CLSTN2: variants seen among roughly 807,000 people sequenced by gnomAD.
CLSTN2 encodes calsyntenin 2, also known as calsyntenin-2.
Under a neutral mutation model 101.2 loss-of-function variants are expected in CLSTN2, and 48 were observed. That is an observed-to-expected ratio of 0.47 (90% CI 0.38 to 0.60). The LOEUF (loss-of-function observed/expected upper bound fraction) is 0.60. Among genes scored for constraint, CLSTN2 ranks in the 20% least tolerant of loss-of-function variants. The pLI is 0.00. For synonymous variants in CLSTN2, 481 were observed against 463.6 expected, an observed-to-expected ratio of 1.04 and a Z score of -0.48; for missense variants, 1,160 against 1,238.2, an observed-to-expected ratio of 0.94 and a Z score of 0.95.
In CLSTN2 at chr3:140,024,806, C is replaced by G. The variant is rs1480614473; in HGVS notation, c.109+89323C>G. Among the ~76,000 whole-genome samples the G allele has an allele frequency of 2.0e-5, 3 of 152,256 alleles. No individual in the cohort carries two copies. In the East Asian group the frequency reaches 5.8e-4, roughly 29 times the overall value. ...TCATTTATAAAATGGAGTGGTAATT[C>G]TTGTGTTGTAGGATTGTTTTGAGAC... On this transcript the variant is annotated intron_variant, in intron 1 of 16. Transcript: ENST00000458420.
intron 2 of CLSTN2, among the ~76,000 whole-genome samples, chr3:140,353,859 T>C (rs530022720): frequency 2.8e-4 from 42 of 152,254 alleles, no homozygotes; most frequent in African/African-American, 1.0e-3. Context: ...TTTTCCTGGG[T>C]TCAACTAAAC....
intron 8 of CLSTN2, among the ~76,000 whole-genome samples, chr3:140,478,165 A>G (rs1447566587): frequency 6.6e-6 from 1 of 152,148 alleles, no homozygotes; most frequent in African/African-American, 2.4e-5. Context: ...TTTAATTTTT[A>G]GGAGTTTCTA....
At chr3:140,434,695 G>C (rs2088669485) in intron 5 of CLSTN2, among the ~76,000 whole-genome samples, 1 of 152,204 alleles carries the variant, frequency 6.6e-6, no homozygotes, top group Non-Finnish European at 1.5e-5. Context: ...AGGAGAGCTT[G>C]CTGCTTAACT....
At chr3:140,509,628 C>T (rs1262437030) in intron 8 of CLSTN2, among the ~76,000 whole-genome samples, 1 of 146,496 alleles carries the variant, frequency 6.8e-6, no homozygotes, top group African/African-American at 2.6e-5. Context: ...CTGAGGTGAA[C>T]ATTTCCCTGA....
chr3:140,153,505 G>A (rs770881587), intron 1 of CLSTN2, among the ~76,000 whole-genome samples: 1 of 152,240 alleles, frequency 6.6e-6, no homozygotes, highest in Non-Finnish European at 1.5e-5. Flanking sequence ...AGCCAGTGAT[G>A]CTGAAAGAGC....
At chr3:140,111,930 C>T (rs1391307141) in intron 1 of CLSTN2, among the ~76,000 whole-genome samples, 1 of 152,172 alleles carries the variant, frequency 6.6e-6, no homozygotes, top group East Asian at 1.9e-4. Flanking sequence ...AAGTGACTTA[C>T]CCACGACCAC....
At chr3:140,336,693 T>A (rs1188692692) in intron 2 of CLSTN2, among the ~76,000 whole-genome samples, 1 of 152,180 alleles carries the variant, frequency 6.6e-6, no homozygotes, top group Non-Finnish European at 1.5e-5. Flanking sequence ...TGCCAAGACT[T>A]TGTTGAAAAC....
chr3:139,956,109 T>G (rs1210565701), intron 1 of CLSTN2, among the ~76,000 whole-genome samples: 2 of 152,170 alleles, frequency 1.3e-5, no homozygotes, highest in Non-Finnish European at 2.9e-5. Flanking sequence ...GACTTCCCTA[T>G]TTTCCAGTTA....
intron 2 of CLSTN2, among the ~76,000 whole-genome samples, chr3:140,321,781 G>C (rs1458769826): frequency 1.3e-5 from 2 of 152,112 alleles, no homozygotes; most frequent in South Asian, 2.1e-4. Context: ...TCTGAAAAAA[G>C]TTCTTGGGAA....
At chr3:140,510,662 A>T (rs1934794210) in intron 8 of CLSTN2, among the ~76,000 whole-genome samples, 1 of 152,208 alleles carries the variant, frequency 6.6e-6, no homozygotes, top group Non-Finnish European at 1.5e-5. Flanking sequence ...ACTTTTTGAC[A>T]GGAGGCCCAG....
At chr3:140,058,742 G>T (rs2008143192) in intron 1 of CLSTN2, among the ~76,000 whole-genome samples, 1 of 151,760 alleles carries the variant, frequency 6.6e-6, no homozygotes, top group Non-Finnish European at 1.5e-5. Flanking sequence ...GGCCTTGAAG[G>T]CCAGGGTTAA....
chr3:140,011,607 C>G (rs2007074609), intron 1 of CLSTN2, among the ~76,000 whole-genome samples: 1 of 152,156 alleles, frequency 6.6e-6, no homozygotes, highest in African/African-American at 2.4e-5. Flanking sequence ...ATAGCATATA[C>G]TTAATAAGGG....
At chr3:140,156,319 C>A (rs182736770) in intron 1 of CLSTN2, among the ~76,000 whole-genome samples, 1 of 152,320 alleles carries the variant, frequency 6.6e-6, no homozygotes, top group African/African-American at 2.4e-5. Context: ...TCTAAATCAA[C>A]CACTGCTAGA....
chr3:140,277,420 A>C lies in CLSTN2; in HGVS notation c.232+101347A>C, dbSNP rs190792945. Among the ~76,000 whole-genome samples, 4 of 152,302 alleles carry C rather than the reference A, an allele frequency of 2.6e-5. No homozygotes were observed. In the East Asian group the frequency reaches 7.7e-4, roughly 29 times the overall value. ...TTATCCTCCAGCTATCTCCAGTTGC[A>C]CTGGGCCTGAGACAGATTCCTTCTG... On this transcript the variant is annotated intron_variant, in intron 2 of 16. Transcript: ENST00000458420.
At chr3:140,299,736 A>T (rs1344059255) in intron 2 of CLSTN2, among the ~76,000 whole-genome samples, 11 of 152,216 alleles carry the variant, frequency 7.2e-5, no homozygotes, top group African/African-American at 2.7e-4. Flanking sequence ...TAGCCTCCAT[A>T]GACCATTGCC....
chr3:140,241,715 T>C (rs2086468384), intron 2 of CLSTN2, among the ~76,000 whole-genome samples: 1 of 151,542 alleles, frequency 6.6e-6, no homozygotes, highest in African/African-American at 2.4e-5. Context: ...AGTGTTCCTG[T>C]GAGGAAGGAA....
intron 2 of CLSTN2, among the ~76,000 whole-genome samples, chr3:140,309,443 G>A (rs768961046): frequency 1.3e-5 from 2 of 152,176 alleles, no homozygotes; most frequent in Non-Finnish European, 2.9e-5. Context: ...GGTGTCTGTA[G>A]AGGAAAAGGA....
At chr3:140,545,061 A>C (rs1935561021) in intron 9 of CLSTN2, among the ~76,000 whole-genome samples, 1 of 152,164 alleles carries the variant, frequency 6.6e-6, no homozygotes, top group South Asian at 2.1e-4. Flanking sequence ...TTAGTGGGTA[A>C]GAACTCTAAA....
At position 140,525,628 on chromosome 3, in the gene CLSTN2, A is replaced by G. The variant is rs1935120983; in HGVS notation, c.1345-6696A>G. ...AATCTGGCAGAGACACAACATAAAA[A>G]GAAAGCTTCAGGCCAATATCCATGA... On this transcript the variant is annotated intron_variant, in intron 8 of 16. Coordinates refer to ENST00000458420, the MANE Select transcript of CLSTN2 (RefSeq NM_022131.3). Among the ~76,000 whole-genome samples the G allele has an allele frequency of 2.6e-5, 4 of 152,322 alleles. No individual in the cohort carries two copies. The South Asian group carries it at 8.3e-4, about 32-fold the overall frequency.
Sources: gnomAD v4.1 joint callset for allele counts (sites outside exome capture counted in the v4.1 genomes callset) on GRCh38, gnomAD v4.1.1 for gene constraint, MANE v1.5 for transcripts, NCBI Gene and HGNC (gene_info 2026-07-23, HGNC 2026-07-21) for gene names.